PIGS: variants seen among roughly 807,000 people sequenced by gnomAD.
PIGS encodes the protein phosphatidylinositol glycan anchor biosynthesis class S.
In PIGS, 37 loss-of-function variants were observed where a neutral mutation model predicts 58.2. The ratio of observed to expected loss-of-function variants is 0.64; its 90% confidence interval spans 0.49 to 0.84. The LOEUF is 0.84. Ranked by LOEUF, PIGS falls within the 40% of genes least tolerant of loss-of-function variation. The pLI is 0.00. For missense variants in PIGS, 629 were observed against 710.8 expected, an observed-to-expected ratio of 0.88 and a Z score of 1.31; for synonymous variants, 269 against 289.2, an observed-to-expected ratio of 0.93 and a Z score of 0.71.
chr17:28,554,720 G>A (rs1371582409), intron 11 of PIGS, 131 bp downstream of exon 11: 1 of 1,314,512 alleles, frequency 7.6e-7, no homozygotes, highest in Admixed American at 1.9e-5. Context: ...CCGTCTAGAG[G>A]AAGGCTGGGA....
intron 10 of PIGS, 46 bp from the exon 11 acceptor site, chr17:28,555,107 C>T (rs370288065): frequency 1.4e-5 from 21 of 1,505,674 alleles, no homozygotes; most frequent in Middle Eastern, 1.7e-4. Flanking sequence ...GACCACAAGG[C>T]GGGAGATCAT....
At chr17:28,560,378 T>C in intron 6 of PIGS, 187 bp from the exon 7 acceptor site, 1 of 634,198 alleles carries the variant, frequency 1.6e-6, no homozygotes, top group Non-Finnish European at 2.6e-6. Context: ...GCGCTGTGGC[T>C]CATGTCTGTA....
At chr17:28,570,055 T>C (rs2070417757) in intron 3 of PIGS, among the ~76,000 whole-genome samples, 1 of 152,252 alleles carries the variant, frequency 6.6e-6, no homozygotes, top group African/African-American at 2.4e-5. Context: ...AGATGGTTAA[T>C]ACTCTTTACT....
chr17:28,564,524 G>A (rs1213517244), intron 3 of PIGS, among the ~76,000 whole-genome samples: 1 of 152,058 alleles, frequency 6.6e-6, no homozygotes, highest in Non-Finnish European at 1.5e-5. Flanking sequence ...GACCAGCCTG[G>A]CCAACGTGAT....
chr17:28,561,440 G>T lies in PIGS; in HGVS notation c.658C>A (p.Pro220Thr), dbSNP rs780692815. Reference sequence around the variant, plus strand: ...GCCCTACCCAAGCTGGACTTGAGAGGCCGCCTCTTCTCAGCGCTCCACTTG... The same window carrying T: ...GCCCTACCCAAGCTGGACTTGAGAGTCCGCCTCTTCTCAGCGCTCCACTTG... Reference protein sequence around the residue: ...EDKWSAEKRRPLKSSLGYEIT... With the variant: ...EDKWSAEKRRTLKSSLGYEIT... The change falls in exon 6 of 12, where the codon CCT becomes ACT. Residue 220 changes from proline to threonine, a missense_variant. By Grantham distance (38) the Pro-to-Thr change is conservative. Transcript: ENST00000308360. 3 of 1,613,794 alleles carry T rather than the reference G, an allele frequency of 1.9e-6. No individual in the cohort carries two copies. The highest frequency in any genetic ancestry group is 1.6e-4 in the Middle Eastern group (1 of 6,072).
At chr17:28,566,061 A>C (rs2070392115) in intron 3 of PIGS, among the ~76,000 whole-genome samples, 1 of 151,694 alleles carries the variant, frequency 6.6e-6, no homozygotes, top group South Asian at 2.1e-4. Flanking sequence ...CAAATTAAAT[A>C]AAATAAATAA....
intron 3 of PIGS, among the ~76,000 whole-genome samples, chr17:28,568,094 GACTT>G (rs1361278745): frequency 1.3e-5 from 2 of 151,638 alleles, no homozygotes; most frequent in African/African-American, 2.4e-5. Flanking sequence ...ACATACATTT[GACTT>G]ACTTGTCTTT....
chr17:28,561,732 A>G, intron 5 of PIGS, 103 bp from the exon 6 acceptor site: 1 of 1,097,896 alleles, frequency 9.1e-7, no homozygotes, highest in Non-Finnish European at 1.3e-6. Flanking sequence ...CCAATGACCA[A>G]CAGGTTTGCA....
intron 6 of PIGS, chr17:28,560,485 A>AATACAAAT (rs1276554818): frequency 3.2e-6 from 1 of 312,584 alleles, no homozygotes; most frequent in Non-Finnish European, 5.9e-6. Flanking sequence ...CTCTACTGAA[A>AATACAAAT]ATACAAATAT....
intron 3 of PIGS, among the ~76,000 whole-genome samples, chr17:28,567,942 C>T (rs748902726): frequency 6.6e-6 from 1 of 152,166 alleles, no homozygotes; most frequent in Admixed American, 6.5e-5. Context: ...TCTATTCCCT[C>T]GCCTTTTAGG....
intron 3 of PIGS, among the ~76,000 whole-genome samples, chr17:28,567,420 G>T (rs2070400555): frequency 6.6e-6 from 1 of 152,014 alleles, no homozygotes; most frequent in African/African-American, 2.4e-5. Flanking sequence ...AAATGACCTG[G>T]TTTCTCCAAC....
Position 28,560,098 on chromosome 17 carries a change from G to A in PIGS, c.770C>T (p.Pro257Leu). The A allele has an allele frequency of 6.2e-7, 1 of 1,613,308 alleles. No homozygotes were observed. Among genetic ancestry groups the A allele is most frequent in the Admixed American group, 1.7e-5 (1 of 59,814 alleles). The change falls in exon 7 of 12, where the codon CCT becomes CTT. Residue 257 changes from proline to leucine, a missense_variant. By Grantham distance (98) the Pro-to-Leu change is moderately conservative. Coordinates refer to ENST00000308360, the MANE Select transcript of PIGS (RefSeq NM_033198.4). ...AGCGGCACCGAGGGCATTCAGGAAA[G>A]GTTGCACATAGCGCCGGACAGCCCC... is the stretch of plus-strand genomic sequence containing the variant. Reference protein sequence around the residue: ...IEGAVRRYVQPFLNALGAAGN... With the variant: ...IEGAVRRYVQLFLNALGAAGN...
intron 1 of PIGS, 27 bp downstream of exon 1, chr17:28,571,436 A>C (rs753603273): frequency 6.2e-7 from 1 of 1,608,364 alleles, no homozygotes; most frequent in Non-Finnish European, 8.5e-7. Context: ...AGCTAGCTGC[A>C]GGCCCCCCAC....
intron 9 of PIGS, 151 bp from the exon 10 acceptor site, chr17:28,556,417 C>A (rs144968193): frequency 8.3e-6 from 6 of 718,856 alleles, no homozygotes; most frequent in Non-Finnish European, 1.3e-5. Context: ...GTACCTACTA[C>A]GGAGAGCATT....
At chr17:28,554,592 A>C in intron 11 of PIGS, 97 bp from the exon 12 acceptor site, 1 of 1,414,452 alleles carries the variant, frequency 7.1e-7, no homozygotes, top group Non-Finnish European at 9.7e-7. Flanking sequence ...ACCAAGGAAG[A>C]TGCCTGGAGT....
rs770908015 is a variant in PIGS at position 28,555,074 on chromosome 17, C to T, written c.1182-13G>A. Reference sequence around the variant, plus strand: ...CCCAAAGAGCAACCTGTAGGAACATCGGAGTAAGATCAAGGTGGCTGAGAC... The same window carrying T: ...CCCAAAGAGCAACCTGTAGGAACATTGGAGTAAGATCAAGGTGGCTGAGAC... On this transcript the variant is annotated splice_polypyrimidine_tract_variant and intron_variant, in intron 10 of 11. Coordinates refer to ENST00000308360, the MANE Select transcript of PIGS (RefSeq NM_033198.4). The T allele has an allele frequency of 1.1e-5, 17 of 1,605,308 alleles. No homozygotes were observed. The East Asian group carries it at 1.1e-4, about 11-fold the overall frequency.
rs1202707087 is a variant in PIGS, at chr17:28,571,492, G to T, written c.5C>A (p.Ala2Glu). ...GTGTGTAGCCGCAGCCCCGGCGGCC[G>T]CCATGCTAGCTTCCGGCTGCTCCGG... M[A>E]AAGAAATHLE... The change falls in exon 1 of 12, where the codon GCG becomes GAG. Residue 2 changes from alanine (A) to glutamate (E), a missense_variant. Physicochemically the swap from Ala to Glu is moderately radical, Grantham distance 107. Coordinates refer to ENST00000308360, the MANE Select transcript of PIGS (RefSeq NM_033198.4). 2 of 1,607,254 alleles carry T rather than the reference G, an allele frequency of 1.2e-6. No homozygotes were observed. The highest frequency in any genetic ancestry group is 1.7e-6 in the Non-Finnish European group (2 of 1,177,204).
Position 28,554,930 on chromosome 17 carries a change from G to C in PIGS, c.1313C>G (p.Ala438Gly). 1 of 1,613,834 alleles carries C rather than the reference G, an allele frequency of 6.2e-7. No individual in the cohort carries two copies. Among genetic ancestry groups the C allele is most frequent in the Admixed American group, 1.7e-5 (1 of 59,988 alleles). ...WARSVENLAT[A>G]TTTLTSLAQL... is the part of the protein sequence containing the mutation. The stretch of plus-strand genomic sequence containing the variant: ...CGCCAGGGAGGTAAGGGTGGTGGTG[G>C]CTGTGGCCAGGTTCTCCACTGACCG... The change falls in exon 11 of 12, where the codon GCC (alanine) becomes GGC (glycine). Residue 438 changes from alanine to glycine, a missense_variant. Physicochemically the swap from Ala to Gly is moderately conservative, Grantham distance 60 (BLOSUM62 0). Coordinates refer to ENST00000308360, the MANE Select transcript of PIGS (RefSeq NM_033198.4).
intron 7 of PIGS, among the ~76,000 whole-genome samples, chr17:28,558,985 C>T (rs2070346725): frequency 6.6e-6 from 1 of 152,124 alleles, no homozygotes; most frequent in Admixed American, 6.5e-5. Flanking sequence ...ACATTCTTCA[C>T]ATCTTTTTTT....
Sources: gnomAD v4.1 joint callset for allele counts (sites outside exome capture counted in the v4.1 genomes callset) on GRCh38, gnomAD v4.1.1 for gene constraint, MANE v1.5 for transcripts, NCBI Gene and HGNC (gene_info 2026-07-23, HGNC 2026-07-21) for gene names.